DLG2: variants seen among roughly 807,000 people sequenced by gnomAD.
The protein encoded by DLG2 is disks large homolog 2.
Under a neutral mutation model 132.5 loss-of-function variants are expected in DLG2, and 45 were observed. The observed-to-expected ratio is 0.34, with a 90% CI of 0.27 to 0.44. The LOEUF is 0.44. Among genes scored for constraint, DLG2 ranks in the 20% least tolerant of loss-of-function variants. The probability of loss-of-function intolerance (pLI) is 1.00; values close to 1 mark genes in which losing one functional copy is unlikely to be tolerated. For missense variants in DLG2, 1,045 were observed against 1,196.9 expected, an observed-to-expected ratio of 0.87 and a Z score of 1.87; for synonymous variants, 424 against 419.6, an observed-to-expected ratio of 1.01 and a Z score of -0.13.
In DLG2 at chr11:84,845,324, T is replaced by C. The variant is rs140221486; in HGVS notation, c.357+266337A>G. Among the ~76,000 whole-genome samples the C allele has an allele frequency of 9.9e-5, 15 of 152,232 alleles. No homozygotes were observed. In the East Asian group the frequency reaches 2.9e-3, roughly 29 times the overall value. On this transcript the variant is annotated intron_variant, in intron 6 of 27. Coordinates refer to ENST00000376104, the MANE Select transcript of DLG2 (RefSeq NM_001142699.3). Reference sequence around the variant, plus strand: ...GGATTATGAATAAATGAATGAATGGTACATATTATGGGCCAGGTACAATTT... The same window carrying C: ...GGATTATGAATAAATGAATGAATGGCACATATTATGGGCCAGGTACAATTT...
intron 8 of DLG2, among the ~76,000 whole-genome samples, chr11:84,179,935 A>G (rs188286812): frequency 3.3e-4 from 50 of 152,222 alleles, no homozygotes; most frequent in Admixed American, 7.2e-4. Flanking sequence ...TTCCTCCCCA[A>G]TACCTTGCCA....
chr11:85,211,750 G>A (rs1014637010), intron 4 of DLG2, among the ~76,000 whole-genome samples: 9 of 151,960 alleles, frequency 5.9e-5, no homozygotes, highest in African/African-American at 1.2e-4. Flanking sequence ...CTCACTACTC[G>A]TCGAGGTCAC....
intron 19 of DLG2, among the ~76,000 whole-genome samples, chr11:83,566,712 GGT>G (rs59829516): frequency 0.24 from 33,996 of 143,778 alleles, 3,830 homozygotes; most frequent in South Asian, 0.29. Context: ...CAGAGGGCAT[GGT>G]GTGTGTGTGT....
At chr11:85,524,871 T>C (rs1443484007) in intron 3 of DLG2, 2 of 152,112 alleles carry the variant, frequency 1.3e-5, no homozygotes, top group Non-Finnish European at 1.5e-5. Context: ...GAAATTATTG[T>C]TTCAGGGTGG....
intron 15 of DLG2, among the ~76,000 whole-genome samples, chr11:83,916,910 C>T (rs1454446997): frequency 6.6e-6 from 1 of 152,092 alleles, no homozygotes; most frequent in Non-Finnish European, 1.5e-5. Flanking sequence ...TCACAGACTA[C>T]TGGTGTGACT....
At chr11:84,828,075 G>A (rs935527680) in intron 6 of DLG2, among the ~76,000 whole-genome samples, 3 of 151,752 alleles carry the variant, frequency 2.0e-5, no homozygotes, top group Non-Finnish European at 4.4e-5. Context: ...ACATGGCGGT[G>A]GAAACGTTTG....
chr11:83,594,285 G>T (rs1002587330), intron 19 of DLG2, among the ~76,000 whole-genome samples: 2 of 152,244 alleles, frequency 1.3e-5, no homozygotes, highest in African/African-American at 2.4e-5. Context: ...CTGAGTGACT[G>T]TGTGGAGCAG....
chr11:84,295,395 A>C (rs543960098), intron 7 of DLG2, among the ~76,000 whole-genome samples: 1 of 152,206 alleles, frequency 6.6e-6, no homozygotes, highest in Non-Finnish European at 1.5e-5. Flanking sequence ...ATCAAATGCC[A>C]GGGCTATAAA....
intron 5 of DLG2, among the ~76,000 whole-genome samples, chr11:85,153,296 T>C (rs919043831): frequency 2.0e-5 from 3 of 152,188 alleles, no homozygotes; most frequent in Admixed American, 6.5e-5. Context: ...TCAACAAATA[T>C]GCCCCATCTC....
intron 6 of DLG2, among the ~76,000 whole-genome samples, chr11:84,778,644 T>C (rs1002737082): frequency 3.9e-5 from 6 of 152,176 alleles, no homozygotes; most frequent in African/African-American, 9.6e-5. Context: ...GTTTTCCTTG[T>C]AGACATCTTT....
At chr11:85,529,350 G>C (rs556403607) in intron 3 of DLG2, among the ~76,000 whole-genome samples, 1 of 152,230 alleles carries the variant, frequency 6.6e-6, no homozygotes, top group South Asian at 2.1e-4. Flanking sequence ...ATTATTTATT[G>C]CTGCACCATT....
chr11:85,478,744 G>A (rs1190028933), intron 3 of DLG2, among the ~76,000 whole-genome samples: 3 of 152,160 alleles, frequency 2.0e-5, no homozygotes, highest in African/African-American at 7.2e-5. Flanking sequence ...CTCTTTTAGG[G>A]AAGGAATTAT....
In DLG2 at chr11:84,926,794, G is replaced by C. The variant is rs190500889; in HGVS notation, c.357+184867C>G. Among the ~76,000 whole-genome samples the C allele has an allele frequency of 2.6e-3, 396 of 152,084 alleles. 3 individuals are homozygous for C. The highest frequency in any genetic ancestry group is 4.5e-3 in the Non-Finnish European group (303 of 67,910). On this transcript the variant is annotated intron_variant, in intron 6 of 27. Coordinates refer to ENST00000376104, the MANE Select transcript of DLG2 (RefSeq NM_001142699.3). ...AAGGAAATACTAGAAACTGTGAGGG[G>C]ATTTACCCCATTGCACTCCATGAGC... is the stretch of plus-strand genomic sequence containing the variant.
At chr11:84,665,154 A>C (rs1457924267) in intron 6 of DLG2, among the ~76,000 whole-genome samples, 3 of 152,148 alleles carry the variant, frequency 2.0e-5, no homozygotes, top group Non-Finnish European at 4.4e-5. Context: ...CAAAAAAATA[A>C]AGATTTGTAA....
At chr11:84,367,161 C>T (rs2098687395) in intron 7 of DLG2, among the ~76,000 whole-genome samples, 1 of 152,164 alleles carries the variant, frequency 6.6e-6, no homozygotes, top group Non-Finnish European at 1.5e-5. Context: ...TTAAGAAACT[C>T]ACTCAAAACT....
intron 7 of DLG2, among the ~76,000 whole-genome samples, chr11:84,319,018 A>T (rs1473597463): frequency 1.3e-5 from 2 of 152,334 alleles, no homozygotes; most frequent in East Asian, 3.9e-4. Flanking sequence ...ATTCCTTTAA[A>T]GTTAAATTTA....
At chr11:85,599,051 A>C (rs1205949851) in intron 2 of DLG2, among the ~76,000 whole-genome samples, 1 of 152,184 alleles carries the variant, frequency 6.6e-6, no homozygotes, top group African/African-American at 2.4e-5. Context: ...CACGATGTTC[A>C]AGTTAGATAT....
intron 6 of DLG2, among the ~76,000 whole-genome samples, chr11:85,000,601 T>G (rs917774084): frequency 6.6e-6 from 1 of 152,218 alleles, no homozygotes; most frequent in Non-Finnish European, 1.5e-5. Context: ...TGGCCTATAC[T>G]ACATGCTTAA....
At chr11:84,571,840 C>G (rs909206021) in intron 6 of DLG2, among the ~76,000 whole-genome samples, 2 of 152,090 alleles carry the variant, frequency 1.3e-5, no homozygotes, top group African/African-American at 4.8e-5. Context: ...CAAACCACAG[C>G]TGAGTTTTTA....
Sources: allele counts gnomAD v4.1 joint callset (sites outside exome capture counted in the v4.1 genomes callset), GRCh38; gene constraint gnomAD v4.1.1; transcripts MANE v1.5; gene names NCBI Gene and HGNC (gene_info 2026-07-23, HGNC 2026-07-21).